DMRT2: variants seen among roughly 807,000 people sequenced by gnomAD.
DMRT2 encodes the protein doublesex and mab-3 related transcription factor 2, also known as doublesex- and mab-3-related transcription factor 2.
DMRT2 carries 33 observed loss-of-function variants against 43.5 expected under a neutral mutation model. That is an observed-to-expected ratio of 0.76 (90% CI 0.58 to 1.01). The LOEUF (loss-of-function observed/expected upper bound fraction) is 1.01. Ranked by LOEUF, DMRT2 falls within the 50% of genes least tolerant of loss-of-function variation. DMRT2 has a pLI of 0.00. For missense variants in DMRT2, 1,064 were observed against 748.0 expected, an observed-to-expected ratio of 1.42 and a Z score of -4.93; for synonymous variants, 395 against 309.2, an observed-to-expected ratio of 1.28 and a Z score of -2.91.
At chr9:1,052,225 C>A in intron 2 of DMRT2, 87 bp downstream of exon 2, 3 of 1,117,982 alleles carry the variant, frequency 2.7e-6, no homozygotes, top group Non-Finnish European at 3.5e-6. Flanking sequence ...ACACCCCCCG[C>A]GCCCAGGGCC....
chr9:1,051,826 C>A lies in DMRT2; in HGVS notation c.213C>A (p.Ser71=). Reference sequence around the variant, plus strand: ...GCGACGGCGAGGAGGCAGGCGCGTCCCCCGGGATGCCCGGCCAGCCGGAGC... The same window carrying A: ...GCGACGGCGAGGAGGCAGGCGCGTCACCCGGGATGCCCGGCCAGCCGGAGC... ...EEGDGEEAGA[S]PGMPGQPEQR... The change falls in exon 2 of 4, where the codon TCC becomes TCA. Residue 71 remains serine, a synonymous_variant. Coordinates refer to ENST00000358146, the MANE Select transcript of DMRT2 (RefSeq NM_181872.6). The surrounding 1 kb of genome is among the most constrained non-coding windows in gnomAD (Gnocchi z 5.9). 1 of 1,449,130 alleles carries A rather than the reference C, an allele frequency of 6.9e-7. No homozygotes were observed. The highest frequency in any genetic ancestry group is 9.0e-7 in the Non-Finnish European group (1 of 1,107,986). The allele number at this position is 1,449,130 out of a possible 1,614,324, so 89.8% of individuals were successfully genotyped here. A position where few individuals can be genotyped will look rare whatever the true frequency, so the allele number is the denominator to read the frequency against.
At position 1,051,994 on chromosome 9, in the gene DMRT2, C is replaced by T; in HGVS notation, c.381C>T (p.Arg127=). The T allele has an allele frequency of 1.4e-6, 2 of 1,451,926 alleles. No individual in the cohort carries two copies. Among genetic ancestry groups the T allele is most frequent in the Non-Finnish European group, 1.8e-6 (2 of 1,108,228 alleles). The allele number at this position is 1,451,926 out of a possible 1,614,324, so 89.9% of individuals were successfully genotyped here. A position where few individuals can be genotyped will look rare whatever the true frequency, so the allele number is the denominator to read the frequency against. The change falls in exon 2 of 4, where the codon CGC becomes CGT. Residue 127 remains arginine, a synonymous_variant. Coordinates refer to ENST00000358146, the MANE Select transcript of DMRT2 (RefSeq NM_181872.6). The surrounding 1 kb of genome is among the most constrained non-coding windows in gnomAD (Gnocchi z 5.9). Reference sequence around the variant, plus strand: ...GCACGCCCAAGTGCGCGCGCTGCCGCAACCACGGCGTGGTGTCCTGCCTGA... The same window carrying T: ...GCACGCCCAAGTGCGCGCGCTGCCGTAACCACGGCGTGGTGTCCTGCCTGA... ...LSRTPKCARC[R]NHGVVSCLKG... is the part of the protein sequence containing the mutation.
At chr9:1,052,178 G>C in intron 2 of DMRT2, 40 bp downstream of exon 2, 1 of 1,312,580 alleles carries the variant, frequency 7.6e-7, no homozygotes, top group Non-Finnish European at 9.7e-7. Context: ...GGCCACAGTG[G>C]AGGTGGGGGA....
Position 1,052,113 on chromosome 9 carries a change from C to A in DMRT2, c.500C>A (p.Ala167Glu). 2.8e-6 allele frequency: 4 copies of A among 1,423,090 alleles called. No individual in the cohort carries two copies. Among genetic ancestry groups the A allele is most frequent in the Non-Finnish European group, 1.8e-6 (2 of 1,094,456 alleles). 88.2% of individuals were successfully genotyped at this position (1,423,090 alleles called of 1,614,324 possible). Residue 167 changes from alanine to glutamate, a missense_variant, in exon 2 of 4, where the codon GCG becomes GAG. Physicochemically the swap from Ala to Glu is moderately radical, Grantham distance 107. Coordinates refer to ENST00000358146, the MANE Select transcript of DMRT2 (RefSeq NM_181872.6). ...ERQRVMAAQV[A>E]LRRQQATEDK... The stretch of plus-strand genomic sequence containing the variant: ...CAGCGCGTCATGGCCGCCCAGGTGG[C>A]GCTCCGGAGGCAGCAGGCCACCGAG...
chr9:1,051,935 G>T lies in DMRT2; in HGVS notation c.322G>T (p.Ala108Ser). Residue 108 changes from alanine (A) to serine (S), a missense_variant, in exon 2 of 4, where the codon GCG becomes TCG. Coordinates refer to ENST00000358146, the MANE Select transcript of DMRT2 (RefSeq NM_181872.6). This position sits in a 1 kb window ranked among gnomAD's most constrained non-coding sequence, Gnocchi z 5.9. ...CGGTCCCCGAGAGCGCTGCACTCCC[G>T]CGGGCGGCGGCGCGGAGCCGCGCAA... ...GTGPRERCTP[A>S]GGGAEPRKLS... 4 of 1,362,942 alleles carry T rather than the reference G, an allele frequency of 2.9e-6. No individual in the cohort carries two copies. Among genetic ancestry groups the T allele is most frequent in the Non-Finnish European group, 3.7e-6 (4 of 1,067,132 alleles). The allele number at this position is 1,362,942 out of a possible 1,614,324, so 84.4% of individuals were successfully genotyped here.
In DMRT2 at chr9:1,057,347, G is replaced by C. The variant is rs1338575195; in HGVS notation, c.*74G>C. The C allele has an allele frequency of 6.8e-6, 10 of 1,468,130 alleles. No homozygotes were observed. Among genetic ancestry groups the C allele is most frequent in the Non-Finnish European group, 9.1e-6 (10 of 1,103,922 alleles). The allele number at this position is 1,468,130 out of a possible 1,614,324, so 90.9% of individuals were successfully genotyped here. A position where few individuals can be genotyped will look rare whatever the true frequency, so the allele number is the denominator to read the frequency against. ...TAGCCATTTGCTACTTTTTTTAAAAGTTAAGATGTTTGTGTAAAGAAATTT... is the reference window on the plus strand; with the variant it reads ...TAGCCATTTGCTACTTTTTTTAAAACTTAAGATGTTTGTGTAAAGAAATTT... On this transcript the variant is annotated 3_prime_UTR_variant, in exon 4 of 4. Coordinates refer to ENST00000358146, the MANE Select transcript of DMRT2 (RefSeq NM_181872.6).
chr9:1,052,114 G>A lies in DMRT2; in HGVS notation c.501G>A (p.Ala167=). The A allele has an allele frequency of 7.0e-7, 1 of 1,420,166 alleles. No individual in the cohort carries two copies. Among genetic ancestry groups the A allele is most frequent in the Non-Finnish European group, 9.2e-7 (1 of 1,092,880 alleles). 88.0% of individuals were successfully genotyped at this position (1,420,166 alleles called of 1,614,324 possible). A position where few individuals can be genotyped will look rare whatever the true frequency, so the allele number is the denominator to read the frequency against. The part of the protein sequence containing the change: ...ERQRVMAAQV[A]LRRQQATEDK... ...AGCGCGTCATGGCCGCCCAGGTGGC[G>A]CTCCGGAGGCAGCAGGCCACCGAGG... The change falls in exon 2 of 4, where the codon GCG becomes GCA. Residue 167 remains alanine (A), a synonymous_variant. Coordinates refer to ENST00000358146, the MANE Select transcript of DMRT2 (RefSeq NM_181872.6).
At chr9:1,052,420 G>A (rs944475235) in intron 2 of DMRT2, among the ~76,000 whole-genome samples, 18 of 152,046 alleles carry the variant, frequency 1.2e-4, no homozygotes, top group Non-Finnish European at 8.8e-5. Flanking sequence ...GAAAATCAAT[G>A]TTTTTATTTT....
rs772562780 is a variant in DMRT2, at chr9:1,051,943, C to T, written c.330C>T (p.Gly110=). The change falls in exon 2 of 4, where the codon GGC becomes GGT. Residue 110 remains glycine (G), a synonymous_variant. Transcript: ENST00000358146. The surrounding 1 kb of genome is among the most constrained non-coding windows in gnomAD (Gnocchi z 5.9). ...GPRERCTPAG[G]GAEPRKLSRT... is the part of the protein sequence containing the mutation. ...GAGAGCGCTGCACTCCCGCGGGCGG[C>T]GGCGCGGAGCCGCGCAAGCTGAGCC... 17 of 1,365,672 alleles carry T rather than the reference C, an allele frequency of 1.2e-5. No individual in the cohort carries two copies. Among genetic ancestry groups the T allele is most frequent in the South Asian group, 3.6e-5 (2 of 55,632 alleles). The allele number at this position is 1,365,672 out of a possible 1,614,324, so 84.6% of individuals were successfully genotyped here. A position where few individuals can be genotyped will look rare whatever the true frequency, so the allele number is the denominator to read the frequency against.
At position 1,051,911 on chromosome 9, in the gene DMRT2, G is replaced by C. The variant is rs1405208907; in HGVS notation, c.298G>C (p.Gly100Arg). The part of the protein sequence containing the change: ...LAPQASPAGT[G>R]PRERCTPAGG... ...GCCTCAGGCCTCACCCGCCGGCACC[G>C]GTCCCCGAGAGCGCTGCACTCCCGC... The change falls in exon 2 of 4, where the codon GGT (glycine) becomes CGT (arginine). Residue 100 changes from glycine to arginine, a missense_variant. Gly to Arg is a moderately radical substitution (Grantham distance 125). Coordinates refer to ENST00000358146, the MANE Select transcript of DMRT2 (RefSeq NM_181872.6). The surrounding 1 kb of genome is among the most constrained non-coding windows in gnomAD (Gnocchi z 5.9). 4 of 1,359,660 alleles carry C rather than the reference G, an allele frequency of 2.9e-6. No individual in the cohort carries two copies. The highest frequency in any genetic ancestry group is 3.8e-6 in the Non-Finnish European group (4 of 1,066,372). The allele number at this position is 1,359,660 out of a possible 1,614,324, so 84.2% of individuals were successfully genotyped here. A position where few individuals can be genotyped will look rare whatever the true frequency, so the allele number is the denominator to read the frequency against.
rs749610895 is a variant in DMRT2, at chr9:1,056,624, A to G, written c.1037A>G (p.Lys346Arg). The G allele has an allele frequency of 6.2e-7, 1 of 1,614,170 alleles. No homozygotes were observed. The highest frequency in any genetic ancestry group is 8.5e-7 in the Non-Finnish European group (1 of 1,180,026). The change falls in exon 4 of 4, where the codon AAG (lysine) becomes AGG (arginine). Residue 346 changes from lysine (K) to arginine (R), a missense_variant. Physicochemically the swap from Lys to Arg is conservative, Grantham distance 26. Transcript: ENST00000358146. ...PLSSRFLVWPKCGPISDTLLY... is the reference protein window; with the variant it reads ...PLSSRFLVWPRCGPISDTLLY... Reference sequence around the variant, plus strand: ...TCCTCAAGATTTTTAGTTTGGCCCAAGTGTGGCCCCATTAGCGACACCCTC... The same window carrying G: ...TCCTCAAGATTTTTAGTTTGGCCCAGGTGTGGCCCCATTAGCGACACCCTC...
At position 1,057,026 on chromosome 9, in the gene DMRT2, C is replaced by A. The variant is rs751391192; in HGVS notation, c.1439C>A (p.Thr480Asn). The change falls in exon 4 of 4, where the codon ACT (threonine) becomes AAT (asparagine). Residue 480 changes from threonine (T) to asparagine (N), a missense_variant. Coordinates refer to ENST00000358146, the MANE Select transcript of DMRT2 (RefSeq NM_181872.6). Reference sequence around the variant, plus strand: ...CACTCATTATTCCAGCAAACACTTACTGACAAATCGGGTCCTGAGTTGAAA... The same window carrying A: ...CACTCATTATTCCAGCAAACACTTAATGACAAATCGGGTCCTGAGTTGAAA... Reference protein sequence around the residue: ...PFHSLFQQTLTDKSGPELKTP... With the variant: ...PFHSLFQQTLNDKSGPELKTP... 7 of 1,614,100 alleles carry A rather than the reference C, an allele frequency of 4.3e-6. No homozygotes were observed. In the South Asian group the frequency reaches 6.6e-5, roughly 15 times the overall value.
chr9:1,053,696 A>G (rs1264623062), intron 2 of DMRT2, 26 bp from the exon 3 acceptor site: 3 of 1,595,442 alleles, frequency 1.9e-6, no homozygotes, highest in South Asian at 1.1e-5. Context: ...TCAGGGCATT[A>G]TTGATGATGT....
intron 3 of DMRT2, 109 bp from the exon 4 acceptor site, chr9:1,056,107 T>G: frequency 6.6e-7 from 1 of 1,506,364 alleles, no homozygotes; most frequent in Non-Finnish European, 8.8e-7. Flanking sequence ...GAGATGGAAC[T>G]GTAAATAATT....
Position 1,057,121 on chromosome 9 carries a change from C to G in DMRT2, c.1534C>G (p.Gln512Glu). The change falls in exon 4 of 4, where the codon CAG becomes GAG. Residue 512 changes from glutamine to glutamate, a missense_variant. Transcript: ENST00000358146. ...KHRECLVKDNQKYTFTIDRCA... is the reference protein window; with the variant it reads ...KHRECLVKDNEKYTFTIDRCA... Reference sequence around the variant, plus strand: ...CAGAGAGTGTTTAGTTAAGGACAACCAGAAGTACACATTTACAATAGATAG... The same window carrying G: ...CAGAGAGTGTTTAGTTAAGGACAACGAGAAGTACACATTTACAATAGATAG... 1 of 1,613,986 alleles carries G rather than the reference C, an allele frequency of 6.2e-7. No individual in the cohort carries two copies. The highest frequency in any genetic ancestry group is 8.5e-7 in the Non-Finnish European group (1 of 1,180,020).
At position 1,056,652 on chromosome 9, in the gene DMRT2, C is replaced by T; in HGVS notation, c.1065C>T (p.Leu355=). 1 of 1,614,216 alleles carries T rather than the reference C, an allele frequency of 6.2e-7. No homozygotes were observed. The highest frequency in any genetic ancestry group is 8.5e-7 in the Non-Finnish European group (1 of 1,180,052). ...GTGGCCCCATTAGCGACACCCTCCTCTACCAGCAATGCCTGCTAAATGCCA... is the reference window on the plus strand; with the variant it reads ...GTGGCCCCATTAGCGACACCCTCCTTTACCAGCAATGCCTGCTAAATGCCA... The part of the protein sequence containing the change: ...PKCGPISDTL[L]YQQCLLNATT... Residue 355 remains leucine, a synonymous_variant, in exon 4 of 4, where the codon CTC becomes CTT. Transcript: ENST00000358146.
Position 1,056,517 on chromosome 9 carries a change from C to A in DMRT2, c.930C>A (p.Thr310=). The A allele has an allele frequency of 6.2e-7, 1 of 1,614,124 alleles. No individual in the cohort carries two copies. The highest frequency in any genetic ancestry group is 8.5e-7 in the Non-Finnish European group (1 of 1,180,040). Residue 310 remains threonine, a synonymous_variant, in exon 4 of 4, where the codon ACC becomes ACA. Coordinates refer to ENST00000358146, the MANE Select transcript of DMRT2 (RefSeq NM_181872.6). ...TTTTGCCCACCTGCCTTGATTTAACCATGCAGTATTCAGGGTCTGGGAATA... is the reference window on the plus strand; with the variant it reads ...TTTTGCCCACCTGCCTTGATTTAACAATGCAGTATTCAGGGTCTGGGAATA... ...CNFLPTCLDL[T]MQYSGSGNME...
Position 1,057,508 on chromosome 9 carries a change from A to G in DMRT2, c.*235A>G. The stretch of plus-strand genomic sequence containing the variant: ...TGTTAAGTACCACACTTTACACAGC[A>G]TTTCAAAAAGCAATAAAATTGACAC... On this transcript the variant is annotated 3_prime_UTR_variant, in exon 4 of 4. Coordinates refer to ENST00000358146, the MANE Select transcript of DMRT2 (RefSeq NM_181872.6). The G allele has an allele frequency of 2.2e-6, 1 of 453,614 alleles. No individual in the cohort carries two copies. Among genetic ancestry groups the G allele is most frequent in the Non-Finnish European group, 3.8e-6 (1 of 260,644 alleles). The allele number at this position is 453,614 out of a possible 1,614,324, so 28.1% of individuals were successfully genotyped here.
At chr9:1,056,035 A>G in intron 3 of DMRT2, 181 bp from the exon 4 acceptor site, 2 of 1,424,310 alleles carry the variant, frequency 1.4e-6, no homozygotes, top group Non-Finnish European at 1.8e-6. Flanking sequence ...GATATCTTTC[A>G]CCCTCCCAGG....
Sources: allele counts gnomAD v4.1 joint callset (sites outside exome capture counted in the v4.1 genomes callset), GRCh38; gene constraint gnomAD v4.1.1; non-coding constraint Gnocchi (gnomAD v3.1); transcripts MANE v1.5; gene names NCBI Gene and HGNC (gene_info 2026-07-23, HGNC 2026-07-21).